FLVCR2: variants seen among roughly 807,000 people sequenced by gnomAD.
The protein encoded by FLVCR2 is FLVCR choline and putative heme transporter 2, also known as choline/ethanolamine transporter FLVCR2.
Under a neutral mutation model 48.9 loss-of-function variants are expected in FLVCR2, and 38 were observed. That is an observed-to-expected ratio of 0.78 (90% CI 0.60 to 1.02). The LOEUF (loss-of-function observed/expected upper bound fraction) is 1.02, where lower values mean the gene tolerates loss of function less well. FLVCR2 is among the 50% of genes least tolerant of loss of function. FLVCR2 has a pLI of 0.00. For missense variants in FLVCR2, 664 were observed against 663.3 expected, an observed-to-expected ratio of 1.00 and a Z score of -0.01; for synonymous variants, 255 against 257.0, an observed-to-expected ratio of 0.99 and a Z score of 0.07.
intron 3 of FLVCR2, among the ~76,000 whole-genome samples, chr14:75,625,561 A>T (rs1889880704): frequency 6.6e-6 from 1 of 151,752 alleles, no homozygotes. Flanking sequence ...ATATCTACCC[A>T]CCTTTATTGC....
intron 6 of FLVCR2, among the ~76,000 whole-genome samples, chr14:75,640,058 G>A (rs1890269309): frequency 6.6e-6 from 1 of 152,094 alleles, no homozygotes; most frequent in South Asian, 2.1e-4. Flanking sequence ...AGGAGTTCAA[G>A]ACCAGCCTGG....
chr14:75,609,894 T>G, intron 1 of FLVCR2, among the ~76,000 whole-genome samples: 1 of 138,314 alleles, frequency 7.2e-6, no homozygotes, highest in Non-Finnish European at 1.6e-5. Flanking sequence ...CACCTTTGAG[T>G]TGGGGGGGAT....
At chr14:75,620,416 C>G (rs1324064805) in intron 1 of FLVCR2, among the ~76,000 whole-genome samples, 2 of 152,208 alleles carry the variant, frequency 1.3e-5, no homozygotes, top group Admixed American at 6.5e-5. Flanking sequence ...TGACCCTCAA[C>G]AAGTCACAGA....
chr14:75,590,599 A>C (rs552280863), intron 1 of FLVCR2, among the ~76,000 whole-genome samples: 1 of 152,172 alleles, frequency 6.6e-6, no homozygotes, highest in Non-Finnish European at 1.5e-5. Context: ...GTTCTCATGC[A>C]TGGTTTAGCA....
intron 5 of FLVCR2, among the ~76,000 whole-genome samples, 184 bp from the exon 6 acceptor site, chr14:75,639,168 G>A (rs1264997513): frequency 5.3e-5 from 8 of 152,158 alleles, no homozygotes; most frequent in Admixed American, 1.3e-4. Context: ...CTGTGATCAC[G>A]CCACTGCACT....
At chr14:75,628,239 C>T (rs1179361224) in intron 3 of FLVCR2, among the ~76,000 whole-genome samples, 2 of 152,126 alleles carry the variant, frequency 1.3e-5, no homozygotes, top group Non-Finnish European at 2.9e-5. Flanking sequence ...CTCAGCCTCC[C>T]GAGTAGCTGG....
At chr14:75,605,865 T>C (rs1024525924) in intron 1 of FLVCR2, 1 of 524,484 alleles carries the variant, frequency 1.9e-6, no homozygotes, top group Non-Finnish European at 3.4e-6. Flanking sequence ...TTTTCTTCTC[T>C]CCCCTGGAAA....
intron 4 of FLVCR2, 34 bp from the exon 5 acceptor site, chr14:75,634,876 C>T (rs764387504): frequency 1.1e-5 from 16 of 1,466,226 alleles, no homozygotes; most frequent in African/African-American, 6.9e-5. Context: ...CTTGTCCCAT[C>T]GCCGGGTGAT....
At chr14:75,599,064 A>C (rs1889096578) in intron 1 of FLVCR2, among the ~76,000 whole-genome samples, 1 of 152,230 alleles carries the variant, frequency 6.6e-6, no homozygotes, top group South Asian at 2.1e-4. Flanking sequence ...AATGTTAAAT[A>C]ACCAACTAGG....
At chr14:75,617,182 G>A (rs117053815) in intron 1 of FLVCR2, among the ~76,000 whole-genome samples, 208 of 152,254 alleles carry the variant, frequency 1.4e-3, no homozygotes, top group Non-Finnish European at 2.0e-3. Flanking sequence ...TACCCCAGAC[G>A]CAGCCTGATG....
At chr14:75,638,866 T>C (rs1181649027) in intron 5 of FLVCR2, among the ~76,000 whole-genome samples, 1 of 152,214 alleles carries the variant, frequency 6.6e-6, no homozygotes, top group Non-Finnish European at 1.5e-5. Flanking sequence ...TGTGTGATCA[T>C]CATCTGTCAG....
intron 2 of FLVCR2, among the ~76,000 whole-genome samples, chr14:75,624,051 C>CAA: frequency 6.8e-6 from 1 of 147,056 alleles, no homozygotes; most frequent in African/African-American, 2.5e-5. Context: ...GACTTCGTCT[C>CAA]AAAAAAAAAA....
chr14:75,585,622 CTTGCCA>C (rs887397995), intron 1 of FLVCR2, among the ~76,000 whole-genome samples: 1 of 152,182 alleles, frequency 6.6e-6, no homozygotes, highest in African/African-American at 2.4e-5. Flanking sequence ...CCGCAATTGA[CTTGCCA>C]CCAAGGGAAT....
At chr14:75,639,535 T>C (rs1890256447) in intron 6 of FLVCR2, 73 bp downstream of exon 6, 5 of 1,055,980 alleles carry the variant, frequency 4.7e-6, no homozygotes, top group Non-Finnish European at 7.4e-6. Flanking sequence ...CATCCTAGAA[T>C]GCAATATTGA....
At chr14:75,632,776 T>G (rs781734472) in intron 3 of FLVCR2, 19 of 701,996 alleles carry the variant, frequency 2.7e-5, no homozygotes, top group Non-Finnish European at 4.2e-5. Flanking sequence ...CATTATGGAG[T>G]GGCAGTACTT....
chr14:75,615,862 C>CAAA (rs10629811), intron 1 of FLVCR2, among the ~76,000 whole-genome samples: 2,073 of 131,262 alleles, frequency 0.016, 33 homozygotes, highest in Middle Eastern at 0.056. Flanking sequence ...ACTAAAAATA[C>CAAA]AAAAAAAAAA....
chr14:75,579,068 C>T lies in FLVCR2; in HGVS notation c.96C>T (p.Ser32=). ...QADPSVSVHP[S]VSVHPSVSIN... is the part of the protein sequence containing the mutation. ...ACCCCAGCGTCTCGGTCCATCCCAG[C>T]GTCTCGGTCCATCCCAGCGTCTCCA... is the stretch of plus-strand genomic sequence containing the variant. The change falls in exon 1 of 10, where the codon AGC becomes AGT. Residue 32 remains serine (S), a synonymous_variant. Transcript: ENST00000238667. 6.2e-7 allele frequency: 1 copy of T among 1,614,010 alleles called. No homozygotes were observed.
intron 8 of FLVCR2, 63 bp downstream of exon 8, chr14:75,641,356 A>G: frequency 2.9e-6 from 3 of 1,040,706 alleles, no homozygotes; most frequent in East Asian, 4.7e-5. Flanking sequence ...TAGTGTCTCG[A>G]TGGAGCAACA....
At chr14:75,637,497 C>T (rs560348165) in intron 5 of FLVCR2, among the ~76,000 whole-genome samples, 44 of 152,094 alleles carry the variant, frequency 2.9e-4, no homozygotes, top group African/African-American at 9.9e-4. Flanking sequence ...GAGGCGGAGG[C>T]GGGCAGATCA....
Sources: gnomAD v4.1 joint callset for allele counts (sites outside exome capture counted in the v4.1 genomes callset) on GRCh38, gnomAD v4.1.1 for gene constraint, MANE v1.5 for transcripts, NCBI Gene and HGNC (gene_info 2026-07-23, HGNC 2026-07-21) for gene names.